Variants in GNA14 observed in about 807,000 individuals in gnomAD.
GNA14 encodes guanine nucleotide-binding protein subunit alpha-14.
Under a neutral mutation model 42.0 loss-of-function variants are expected in GNA14, and 50 were observed. That is an observed-to-expected ratio of 1.19 (90% CI 0.95 to 1.51). The LOEUF (loss-of-function observed/expected upper bound fraction) is 1.51, where lower values mean the gene tolerates loss of function less well. Ranked by LOEUF, GNA14 falls within the 40% of genes most tolerant of loss-of-function variation. The pLI is 0.00. For synonymous variants in GNA14, 173 were observed against 163.1 expected, an observed-to-expected ratio of 1.06 and a Z score of -0.46; for missense variants, 473 against 446.2, an observed-to-expected ratio of 1.06 and a Z score of -0.54.
At chr9:77,479,682 A>G (rs1489498354) in intron 2 of GNA14, among the ~76,000 whole-genome samples, 25 of 152,150 alleles carry the variant, frequency 1.6e-4, no homozygotes, top group Middle Eastern at 3.2e-3. Flanking sequence ...CTACTCATGA[A>G]CATGGAATGT....
intron 1 of GNA14, among the ~76,000 whole-genome samples, chr9:77,625,098 T>G (rs980809290): frequency 6.6e-6 from 1 of 151,492 alleles, no homozygotes; most frequent in African/African-American, 2.4e-5. Flanking sequence ...GAACAAGAAC[T>G]TCGTGAAGCA....
chr9:77,501,694 T>A (rs565123648), intron 2 of GNA14, among the ~76,000 whole-genome samples: 1 of 151,426 alleles, frequency 6.6e-6, no homozygotes, highest in East Asian at 2.0e-4. Context: ...TTTTCTTTGT[T>A]GTTCAGATTG....
At chr9:77,623,216 C>CAAAAAAAAAAAAAAAAAAAAAAAAAAA (rs34368561) in intron 1 of GNA14, among the ~76,000 whole-genome samples, 5 of 26,854 alleles carry the variant, frequency 1.9e-4, no homozygotes, top group Non-Finnish European at 5.1e-4. Flanking sequence ...GACGCTGTCT[C>CAAAAAAAAAAAAAAAAAAAAAAAAAAA]AAAAAAAAAA....
chr9:77,481,755 T>C (rs1836556355), intron 2 of GNA14, among the ~76,000 whole-genome samples: 1 of 152,232 alleles, frequency 6.6e-6, no homozygotes, highest in African/African-American at 2.4e-5. Flanking sequence ...CATATATATT[T>C]AGGATAGTTA....
At chr9:77,600,643 C>G (rs1310726620) in intron 1 of GNA14, among the ~76,000 whole-genome samples, 1 of 152,170 alleles carries the variant, frequency 6.6e-6, no homozygotes, top group East Asian at 1.9e-4. Context: ...TAGGGCCGGA[C>G]GCAGTGGCTC....
In GNA14 at chr9:77,549,201, C is replaced by T. The variant is rs144564145; in HGVS notation, c.125-19948G>A. On this transcript the variant is annotated intron_variant, in intron 1 of 6. Coordinates refer to ENST00000341700, the MANE Select transcript of GNA14 (RefSeq NM_004297.4). Reference sequence around the variant, plus strand: ...CGCCCACCTCGGCCTCCCAAAGTGCCGGGATTACAGGCGTGAGCCACCGTG... The same window carrying T: ...CGCCCACCTCGGCCTCCCAAAGTGCTGGGATTACAGGCGTGAGCCACCGTG... Among the ~76,000 whole-genome samples the T allele has an allele frequency of 5.7e-3, 870 of 152,134 alleles. 5 individuals are homozygous for T. Among genetic ancestry groups the T allele is most frequent in the Middle Eastern group, 0.01 (3 of 290 alleles).
chr9:77,431,991 G>A (rs1215676971), intron 3 of GNA14, among the ~76,000 whole-genome samples: 3 of 152,034 alleles, frequency 2.0e-5, no homozygotes, highest in African/African-American at 7.2e-5. Flanking sequence ...TGAAGACACT[G>A]GGAAACTACA....
At chr9:77,616,587 C>A (rs1823821550) in intron 1 of GNA14, among the ~76,000 whole-genome samples, 1 of 152,220 alleles carries the variant, frequency 6.6e-6, no homozygotes, top group African/African-American at 2.4e-5. Context: ...GAGGTACAGG[C>A]ATGCTGATGC....
At chr9:77,444,189 C>T (rs1445121344) in intron 2 of GNA14, among the ~76,000 whole-genome samples, 1 of 152,162 alleles carries the variant, frequency 6.6e-6, no homozygotes, top group Non-Finnish European at 1.5e-5. Context: ...GGGCTGGCCA[C>T]AGAAGAAATG....
intron 2 of GNA14, among the ~76,000 whole-genome samples, chr9:77,493,900 A>G (rs1445140949): frequency 1.3e-5 from 2 of 152,274 alleles, no homozygotes; most frequent in Admixed American, 6.5e-5. Flanking sequence ...ACAAAAAGAT[A>G]AAGTCTGGAT....
At chr9:77,573,549 G>A (rs1192663699) in intron 1 of GNA14, among the ~76,000 whole-genome samples, 1 of 152,174 alleles carries the variant, frequency 6.6e-6, no homozygotes, top group African/African-American at 2.4e-5. Flanking sequence ...GCGCTCAAGA[G>A]ATAAGCTGGC....
At chr9:77,521,370 A>T (rs1011526189) in intron 2 of GNA14, among the ~76,000 whole-genome samples, 1 of 152,162 alleles carries the variant, frequency 6.6e-6, no homozygotes, top group Non-Finnish European at 1.5e-5. Flanking sequence ...TTCAAATTGG[A>T]TGAGGAAGTG....
At chr9:77,570,478 A>G (rs151006830) in intron 1 of GNA14, among the ~76,000 whole-genome samples, 5 of 152,294 alleles carry the variant, frequency 3.3e-5, no homozygotes, top group African/African-American at 1.2e-4. Flanking sequence ...CATATGTGGA[A>G]TCATGCAATA....
intron 1 of GNA14, among the ~76,000 whole-genome samples, chr9:77,600,834 G>A (rs1191100744): frequency 6.6e-6 from 1 of 152,208 alleles, no homozygotes; most frequent in Non-Finnish European, 1.5e-5. Context: ...CAGGAGAATC[G>A]CTTGAACCCG....
At chr9:77,598,824 T>C (rs1218771964) in intron 1 of GNA14, among the ~76,000 whole-genome samples, 1 of 152,160 alleles carries the variant, frequency 6.6e-6, no homozygotes, top group African/African-American at 2.4e-5. Context: ...GAGTCGTCTT[T>C]AGGAGCCCCC....
At position 77,624,602 on chromosome 9, in the gene GNA14, G is replaced by A. The variant is rs377191153; in HGVS notation, c.124+23068C>T. The stretch of plus-strand genomic sequence containing the variant: ...AAGCTGCAATCTTTGATGTTCTGCC[G>A]CCTCCGCTGGTGATACCCAGGCAAA... On this transcript the variant is annotated intron_variant, in intron 1 of 6. Coordinates refer to ENST00000341700, the MANE Select transcript of GNA14 (RefSeq NM_004297.4). Among the ~76,000 whole-genome samples the A allele has an allele frequency of 1.7e-3, 262 of 152,270 alleles. 2 individuals carry two copies. Among genetic ancestry groups the A allele is most frequent in the African/African-American group, 5.9e-3 (244 of 41,564 alleles).
At chr9:77,571,391 T>G (rs2440229) in intron 1 of GNA14, among the ~76,000 whole-genome samples, 110,542 of 152,004 alleles carry the variant, frequency 0.73, 40,492 homozygotes, top group East Asian at 0.94. Context: ...TTATTTGTAG[T>G]GTATGGAAGA....
chr9:77,555,795 G>A (rs772908769), intron 1 of GNA14, among the ~76,000 whole-genome samples: 8 of 152,184 alleles, frequency 5.3e-5, no homozygotes, highest in Non-Finnish European at 1.2e-4. Context: ...GTATTTGTTG[G>A]AGGAAATATT....
At chr9:77,523,835 T>A (rs1281507086) in intron 2 of GNA14, among the ~76,000 whole-genome samples, 2 of 152,144 alleles carry the variant, frequency 1.3e-5, no homozygotes, top group Non-Finnish European at 2.9e-5. Flanking sequence ...CCTTTGCCCT[T>A]GGGAAATTCT....
Sources: gnomAD v4.1 joint callset for allele counts (sites outside exome capture counted in the v4.1 genomes callset) on GRCh38, gnomAD v4.1.1 for gene constraint, MANE v1.5 for transcripts, NCBI Gene and HGNC (gene_info 2026-07-23, HGNC 2026-07-21) for gene names.